Variants in RORA observed in about 807,000 individuals in gnomAD.
RORA encodes the protein nuclear receptor ROR-alpha.
RORA carries 7 observed loss-of-function variants against 69.5 expected under a neutral mutation model. The ratio of observed to expected loss-of-function variants is 0.10; its 90% CI spans 0.06 to 0.19. The LOEUF is 0.19. RORA is among the 10% of genes least tolerant of loss of function. The pLI, the probability that RORA is intolerant of heterozygous loss-of-function variation, is 1.00. For synonymous variants in RORA, 261 were observed against 240.8 expected, an observed-to-expected ratio of 1.08 and a Z score of -0.78; for missense variants, 457 against 663.0, an observed-to-expected ratio of 0.69 and a Z score of 3.41.
chr15:60,763,383 A>T (rs750640330), intron 1 of RORA, among the ~76,000 whole-genome samples: 1 of 152,130 alleles, frequency 6.6e-6, no homozygotes, highest in Non-Finnish European at 1.5e-5. Context: ...CTACCAGGGA[A>T]ATTATCTCAT....
intron 1 of RORA, among the ~76,000 whole-genome samples, chr15:61,219,385 G>A (rs1201459171): frequency 6.6e-6 from 1 of 152,064 alleles, no homozygotes; most frequent in Non-Finnish European, 1.5e-5. Flanking sequence ...CCAACCTGGC[G>A]AACACGGTGA....
intron 1 of RORA, among the ~76,000 whole-genome samples, chr15:60,947,243 G>C (rs1037570727): frequency 6.1e-5 from 9 of 147,304 alleles, no homozygotes; most frequent in Non-Finnish European, 1.2e-4. Context: ...CGGTTTTGTC[G>C]AATAGAAAAG....
rs551425917 is a variant in RORA, at chr15:61,213,105, C to G, written c.166+15948G>C. Among the ~76,000 whole-genome samples the G allele has an allele frequency of 1.3e-5, 2 of 152,244 alleles. No homozygotes were observed. The highest frequency in any genetic ancestry group is 2.1e-4 in the South Asian group (1 of 4,824). ...AACTCAGCCCATCCCAAATTGAACCCATGCCTTCTCTCCTCTTCACACTCT... is the reference window on the plus strand; with the variant it reads ...AACTCAGCCCATCCCAAATTGAACCGATGCCTTCTCTCCTCTTCACACTCT... On this transcript the variant is annotated intron_variant, in intron 1 of 10. Transcript: ENST00000335670. This position sits in a 1 kb window ranked among gnomAD's most constrained non-coding sequence, Gnocchi z 4.1.
At chr15:60,515,316 A>G (rs1224922873) in intron 3 of RORA, among the ~76,000 whole-genome samples, 3 of 152,114 alleles carry the variant, frequency 2.0e-5, no homozygotes, top group Admixed American at 6.5e-5. Flanking sequence ...ACTTGGAGGG[A>G]TTATTTTGGC....
intron 1 of RORA, among the ~76,000 whole-genome samples, chr15:60,785,741 T>G (rs947679500): frequency 2.6e-5 from 4 of 152,260 alleles, no homozygotes; most frequent in African/African-American, 9.6e-5. Context: ...GGTTCAGTCC[T>G]ATTCATGTTT....
At chr15:60,629,367 A>G (rs1179810558) in intron 2 of RORA, among the ~76,000 whole-genome samples, 1 of 151,788 alleles carries the variant, frequency 6.6e-6, no homozygotes, top group Non-Finnish European at 1.5e-5. Context: ...TTGCATTTTT[A>G]GTAGATACGA....
rs2065314890 is a variant in RORA, at chr15:60,501,029, C to G, written c.1224G>C (p.Lys408Asn). 2 of 1,610,662 alleles carry G rather than the reference C, an allele frequency of 1.2e-6. No individual in the cohort carries two copies. The highest frequency in any genetic ancestry group is 1.7e-6 in the Non-Finnish European group (2 of 1,177,294). Reference sequence around the variant, plus strand: ...CAGTCAGGTGCATAGAACATAAACTCTTTCCAAATTCAAACACAAAGCTAA... The same window carrying G: ...CAGTCAGGTGCATAGAACATAAACTGTTTCCAAATTCAAACACAAAGCTAA... ...DFISFVFEFG[K>N]SLCSMHLTED... Residue 408 changes from lysine to asparagine, a missense_variant, in exon 9 of 11, where the codon AAG becomes AAC. Transcript: ENST00000335670.
At chr15:60,725,310 T>C (rs1226635175) in intron 1 of RORA, among the ~76,000 whole-genome samples, 3 of 152,230 alleles carry the variant, frequency 2.0e-5, no homozygotes, top group Non-Finnish European at 4.4e-5. Context: ...ACTATTTACT[T>C]GCTTATTAAT....
chr15:60,756,196 G>T lies in RORA; in HGVS notation c.167-77510C>A, dbSNP rs980906841. Among the ~76,000 whole-genome samples the T allele has an allele frequency of 1.9e-4, 29 of 152,342 alleles. 1 individual carries two copies. The highest frequency in any genetic ancestry group is 1.0e-4 in the Non-Finnish European group (7 of 68,036). ...TGAATGTAGTGAATAATTACATATG[G>T]TTTTCATTTAAAAGAGCAGAGTTTG... is the stretch of plus-strand genomic sequence containing the variant. On this transcript the variant is annotated intron_variant, in intron 1 of 10. Coordinates refer to ENST00000335670, the MANE Select transcript of RORA (RefSeq NM_134261.3).
At chr15:60,823,548 T>C (rs1276216229) in intron 1 of RORA, among the ~76,000 whole-genome samples, 2 of 152,218 alleles carry the variant, frequency 1.3e-5, no homozygotes, top group Non-Finnish European at 2.9e-5. Context: ...TCAATACACA[T>C]AATCAACAAA....
chr15:61,140,685 A>G (rs1049006034), intron 1 of RORA, among the ~76,000 whole-genome samples: 1 of 152,126 alleles, frequency 6.6e-6, no homozygotes, highest in African/African-American at 2.4e-5. Flanking sequence ...GGGAGAAAAA[A>G]AAACCTCATA....
chr15:60,757,830 T>TA (rs1156669440), intron 1 of RORA, among the ~76,000 whole-genome samples: 1 of 152,162 alleles, frequency 6.6e-6, no homozygotes, highest in Non-Finnish European at 1.5e-5. Context: ...GTCTGCCTTT[T>TA]AACCTCTTCC....
chr15:60,804,075 G>T (rs539191338), intron 1 of RORA, among the ~76,000 whole-genome samples: 219 of 152,134 alleles, frequency 1.4e-3, no homozygotes, highest in Middle Eastern at 3.4e-3. Context: ...GATCACCTGA[G>T]GTCGGGAGTT....
chr15:60,621,223 G>T (rs896519874), intron 2 of RORA, among the ~76,000 whole-genome samples: 7 of 148,160 alleles, frequency 4.7e-5, no homozygotes, highest in African/African-American at 1.8e-4. Context: ...TATTTTTTAA[G>T]AAAATACCTC....
At chr15:60,672,145 C>CT (rs1412263516) in intron 2 of RORA, among the ~76,000 whole-genome samples, 5 of 152,120 alleles carry the variant, frequency 3.3e-5, no homozygotes, top group African/African-American at 7.2e-5. Context: ...TGTTTAAATA[C>CT]TTTTTTTCAC....
At chr15:60,556,787 C>T in intron 2 of RORA, 1 of 1,220,126 alleles carries the variant, frequency 8.2e-7, no homozygotes, top group Admixed American at 1.9e-5. Flanking sequence ...ATTCAAACCT[C>T]ACTTCTTCCT....
chr15:60,774,921 A>G (rs141799620), intron 1 of RORA, among the ~76,000 whole-genome samples: 3 of 152,338 alleles, frequency 2.0e-5, no homozygotes, highest in African/African-American at 4.8e-5. Context: ...TATAGTATCA[A>G]TTCATGATTA....
chr15:61,142,686 T>C (rs1327539487), intron 1 of RORA, among the ~76,000 whole-genome samples: 1 of 152,210 alleles, frequency 6.6e-6, no homozygotes, highest in African/African-American at 2.4e-5. Context: ...ATTAAAGGGA[T>C]ACCAGGATCA....
At chr15:60,517,324 T>G (rs2065997673) in intron 3 of RORA, among the ~76,000 whole-genome samples, 1 of 152,194 alleles carries the variant, frequency 6.6e-6, no homozygotes, top group East Asian at 1.9e-4. Context: ...GCCAAGGTGC[T>G]TGCTAACCTT....
Sources: gnomAD v4.1 joint callset for allele counts (sites outside exome capture counted in the v4.1 genomes callset) on GRCh38, gnomAD v4.1.1 for gene constraint, Gnocchi (gnomAD v3.1) non-coding constraint, MANE v1.5 for transcripts, NCBI Gene and HGNC (gene_info 2026-07-23, HGNC 2026-07-21) for gene names.